Variants in ANKRD17 observed in about 807,000 individuals in gnomAD.
ANKRD17 encodes ankyrin repeat domain 17.
ANKRD17 carries 19 observed loss-of-function variants against 229.7 expected under a neutral mutation model. The ratio of observed to expected loss-of-function variants is 0.08; its 90% CI spans 0.06 to 0.12. ANKRD17 has a LOEUF of 0.12. Ranked by LOEUF, ANKRD17 falls within the 10% of genes least tolerant of loss-of-function variation. The probability of loss-of-function intolerance (pLI) is 1.00; values close to 1 mark genes in which losing one functional copy is unlikely to be tolerated. For synonymous variants in ANKRD17, 1,112 were observed against 1,146.1 expected, an observed-to-expected ratio of 0.97 and a Z score of 0.60; for missense variants, 2,176 against 3,176.8, an observed-to-expected ratio of 0.68 and a Z score of 7.57.
intron 16 of ANKRD17, among the ~76,000 whole-genome samples, chr4:73,129,351 G>A (rs1187981091): frequency 6.6e-6 from 1 of 152,206 alleles, no homozygotes; most frequent in Non-Finnish European, 1.5e-5. Flanking sequence ...TAGTAACACA[G>A]ATGGCAATAC....
Position 73,091,127 on chromosome 4 carries a change from G to T in ANKRD17, c.6501C>A (p.Pro2167=). 1 of 1,614,154 alleles carries T rather than the reference G, an allele frequency of 6.2e-7. No homozygotes were observed. The change falls in exon 29 of 34, where the codon CCC becomes CCA. Residue 2167 remains proline (P), a synonymous_variant. Coordinates refer to ENST00000358602, the MANE Select transcript of ANKRD17 (RefSeq NM_032217.5). ...GGGTTTCCATTTTAGGAGTAGGCTG[G>T]GGGCATCCCATTGGTGTCTGAGGCA... The part of the protein sequence containing the change: ...YPMPQTPMGC[P]QPTPKMETPA...
intron 4 of ANKRD17, 42 bp from the exon 5 acceptor site, chr4:73,155,820 T>C (rs1731587868): frequency 6.2e-7 from 1 of 1,600,462 alleles, no homozygotes; most frequent in Non-Finnish European, 8.5e-7. Flanking sequence ...TAGGAAATAA[T>C]CGTCAAAAAA....
rs548330936 is a variant in ANKRD17, at chr4:73,093,699, A to G, written c.5327+380T>C. Among the ~76,000 whole-genome samples the G allele has an allele frequency of 9.3e-4, 142 of 152,286 alleles. 4 individuals are homozygous for G. The highest frequency in any genetic ancestry group is 2.2e-4 in the Non-Finnish European group (15 of 68,028). On this transcript the variant is annotated intron_variant, in intron 28 of 33. Coordinates refer to ENST00000358602, the MANE Select transcript of ANKRD17 (RefSeq NM_032217.5). ...CAAGAACTCAAATTCTAAAGACACAATCTCAGAATAACAAATCTCAAAGGT... is the reference window on the plus strand; with the variant it reads ...CAAGAACTCAAATTCTAAAGACACAGTCTCAGAATAACAAATCTCAAAGGT...
chr4:73,244,586 C>T (rs1250672173), intron 1 of ANKRD17, among the ~76,000 whole-genome samples: 1 of 152,146 alleles, frequency 6.6e-6, no homozygotes, highest in Non-Finnish European at 1.5e-5. Context: ...TGCAAGACAG[C>T]AGATACTTAG....
At chr4:73,222,674 T>C (rs1433489351) in intron 1 of ANKRD17, among the ~76,000 whole-genome samples, 4 of 152,214 alleles carry the variant, frequency 2.6e-5, no homozygotes, top group Non-Finnish European at 5.9e-5. Context: ...TGAGTTAATC[T>C]AAAGGTCACC....
intron 11 of ANKRD17, among the ~76,000 whole-genome samples, chr4:73,143,278 T>C (rs1222194220): frequency 6.6e-6 from 1 of 152,178 alleles, no homozygotes; most frequent in African/African-American, 2.4e-5. Flanking sequence ...AATAGGAATG[T>C]ATCCCTAATT....
intron 1 of ANKRD17, among the ~76,000 whole-genome samples, chr4:73,186,307 A>G (rs1390411331): frequency 1.3e-5 from 2 of 152,046 alleles, no homozygotes; most frequent in African/African-American, 2.4e-5. Context: ...ATCCAAGTAT[A>G]AGACTGAAAT....
At chr4:73,098,646 C>A in intron 25 of ANKRD17, 126 bp from the exon 26 acceptor site, 1 of 958,028 alleles carries the variant, frequency 1.0e-6, no homozygotes, top group Non-Finnish European at 1.6e-6. Flanking sequence ...GTAAGTTATT[C>A]TCACATTCAT....
intron 6 of ANKRD17, among the ~76,000 whole-genome samples, chr4:73,152,407 T>C (rs1426879670): frequency 6.6e-6 from 1 of 152,116 alleles, no homozygotes. Context: ...TCCACATTAG[T>C]GCTCAGTCTC....
intron 7 of ANKRD17, among the ~76,000 whole-genome samples, chr4:73,149,744 C>T (rs1057000809): frequency 1.3e-5 from 2 of 151,882 alleles, no homozygotes; most frequent in Admixed American, 1.3e-4. Context: ...GTGTGCACTT[C>T]GTCCCAGCTA....
rs141278278 is a variant in ANKRD17, at chr4:73,142,374, A to G, written c.2097T>C (p.Thr699=). ...CACCTTTTGCTGCTTCTATCAACAT[A>G]GTTGAGCCATCCTAAAAGAGTGAAT... ...DPTHRLKDGS[T]MLIEAAKGGH... The change falls in exon 13 of 34, where the codon ACT becomes ACC. Residue 699 remains threonine (T), a synonymous_variant. Transcript: ENST00000358602. 1.1e-4 allele frequency: 169 copies of G among 1,589,174 alleles called. No homozygotes were observed. Among genetic ancestry groups the G allele is most frequent in the Admixed American group, 3.9e-4 (20 of 50,678 alleles).
In ANKRD17 at chr4:73,073,404, G is replaced by A. The variant is rs1205263395; in HGVS notation, c.*2827C>T. The A allele has an allele frequency of 6.6e-6, 1 of 152,052 alleles. No individual in the cohort carries two copies. Among genetic ancestry groups the A allele is most frequent in the Non-Finnish European group, 1.5e-5 (1 of 67,936 alleles). The allele number at this position is 152,052 out of a possible 1,614,324, so 9.4% of individuals were successfully genotyped here. On this transcript the variant is annotated 3_prime_UTR_variant, in exon 34 of 34. Coordinates refer to ENST00000358602, the MANE Select transcript of ANKRD17 (RefSeq NM_032217.5). Reference sequence around the variant, plus strand: ...ACATGAAAATAGATTTAATAAACTAGAGGATCTGAAGAGATTTTATAACTT... The same window carrying A: ...ACATGAAAATAGATTTAATAAACTAAAGGATCTGAAGAGATTTTATAACTT...
Position 73,258,624 on chromosome 4 carries a change from T to C in ANKRD17, c.45A>G (p.Glu15=). ...TVPVAAATAA[E]GEGSPPAVAA... is the part of the protein sequence containing the mutation. ...CCACCGCCGGGGGGCTCCCTTCTCC[T>C]TCTGCAGCCGTCGCCGCCGCCACCG... The change falls in exon 1 of 34, where the codon GAA becomes GAG. Residue 15 remains glutamate (E), a synonymous_variant. Transcript: ENST00000358602. 6.7e-7 allele frequency: 1 copy of C among 1,487,648 alleles called. No homozygotes were observed. Among genetic ancestry groups the C allele is most frequent in the Non-Finnish European group, 8.9e-7 (1 of 1,128,162 alleles). The allele number at this position is 1,487,648 out of a possible 1,614,324, so 92.2% of individuals were successfully genotyped here.
chr4:73,097,945 G>T, intron 26 of ANKRD17, 128 bp downstream of exon 26: 1 of 749,966 alleles, frequency 1.3e-6, no homozygotes. Context: ...AATTGAAACA[G>T]TACCTTCTTT....
chr4:73,125,133 A>G (rs1727264364), intron 17 of ANKRD17, 68 bp downstream of exon 17: 39 of 1,594,782 alleles, frequency 2.4e-5, no homozygotes, highest in Admixed American at 3.6e-5. Flanking sequence ...AAATAGGACT[A>G]AAAAATAATG....
At chr4:73,121,463 T>G in intron 19 of ANKRD17, 154 bp downstream of exon 19, 1 of 851,454 alleles carries the variant, frequency 1.2e-6, no homozygotes, top group South Asian at 1.6e-5. Flanking sequence ...TTTTAATTAC[T>G]TAAATAAAGT....
rs184865858 is a variant in ANKRD17, at chr4:73,193,454, A to G, written c.394-15921T>C. 8.5e-5 allele frequency among the ~76,000 whole-genome samples: 13 copies of G among 152,314 alleles called. No individual in the cohort carries two copies. The East Asian group carries it at 2.5e-3, about 29-fold the overall frequency. ...CCAGACTTTTACGTGACACCACTAT[A>G]CATTCCTACCTGCAATATATGAAAG... On this transcript the variant is annotated intron_variant, in intron 1 of 33. Transcript: ENST00000358602.
At chr4:73,090,399 G>C (rs1722675511) in intron 29 of ANKRD17, among the ~76,000 whole-genome samples, 1 of 152,136 alleles carries the variant, frequency 6.6e-6, no homozygotes, top group African/African-American at 2.4e-5. Flanking sequence ...GACAGAGCGA[G>C]ACTCTGTCTC....
intron 1 of ANKRD17, among the ~76,000 whole-genome samples, chr4:73,231,579 T>C (rs1743049454): frequency 6.6e-6 from 1 of 152,242 alleles, no homozygotes. Flanking sequence ...TCATGAAATA[T>C]ACATTTGGTC....
Sources: allele counts gnomAD v4.1 joint callset (sites outside exome capture counted in the v4.1 genomes callset), GRCh38; gene constraint gnomAD v4.1.1; transcripts MANE v1.5; gene names NCBI Gene and HGNC (gene_info 2026-07-23, HGNC 2026-07-21).